The following DSC3 variants were observed in gnomAD, a reference collection of about 807,000 sequenced individuals.
The protein encoded by DSC3 is desmocollin 3.
A neutral mutation model predicts 89.5 loss-of-function variants in DSC3; 97 were observed. That is an observed-to-expected ratio of 1.08 (90% CI 0.92 to 1.28). The LOEUF (loss-of-function observed/expected upper bound fraction) is 1.28. Among genes scored for constraint, DSC3 ranks in the 50% most tolerant of loss-of-function variants. The probability of loss-of-function intolerance (pLI) is 0.00; values close to 1 mark genes in which losing one functional copy is unlikely to be tolerated. For missense variants in DSC3, 1,199 were observed against 1,085.3 expected (o/e 1.10, Z -1.47); for synonymous variants, 436 against 384.1 (o/e 1.14, Z -1.58).
chr18:31,025,401 C>T (rs1985563273), intron 5 of DSC3, among the ~76,000 whole-genome samples: 1 of 152,002 alleles, frequency 6.6e-6, no homozygotes, highest in Admixed American at 6.6e-5. Flanking sequence ...CAGGATTCTT[C>T]CAATCAACTG....
chr18:30,996,012 A>G (rs1179471461), intron 15 of DSC3, among the ~76,000 whole-genome samples: 3 of 150,582 alleles, frequency 2.0e-5, no homozygotes, highest in Non-Finnish European at 4.4e-5. Context: ...AAAGAAAGAA[A>G]AAAGCTTCTG....
intron 1 of DSC3, among the ~76,000 whole-genome samples, chr18:31,037,792 C>A (rs1986019054): frequency 6.6e-6 from 1 of 151,882 alleles, no homozygotes; most frequent in Non-Finnish European, 1.5e-5. Context: ...CCCAGCTACT[C>A]AGGAAGCTGA....
At chr18:31,035,231 T>G (rs1320230110) in intron 1 of DSC3, among the ~76,000 whole-genome samples, 1 of 152,076 alleles carries the variant, frequency 6.6e-6, no homozygotes, top group Non-Finnish European at 1.5e-5. Context: ...ATTATCACAA[T>G]TATTCTAATA....
At position 31,022,323 on chromosome 18, in the gene DSC3, G is replaced by A; in HGVS notation, c.942+13C>T. On this transcript the variant is annotated intron_variant, in intron 7 of 15. Transcript: ENST00000360428. Reference sequence around the variant, plus strand: ...CCTCAGCGAAATGAAATTCTATGGAGTGTGTGAGCTACCTCTCTGTCCAAA... The same window carrying A: ...CCTCAGCGAAATGAAATTCTATGGAATGTGTGAGCTACCTCTCTGTCCAAA... 6.2e-7 allele frequency: 1 copy of A among 1,613,964 alleles called. No individual in the cohort carries two copies. The highest frequency in any genetic ancestry group is 1.1e-5 in the South Asian group (1 of 91,084).
At chr18:31,008,213 A>T in intron 10 of DSC3, 55 bp from the exon 11 acceptor site, 1 of 1,609,770 alleles carries the variant, frequency 6.2e-7, no homozygotes, top group Admixed American at 1.7e-5. Context: ...CAAATAAGTT[A>T]CTATCTCAAT....
chr18:31,016,526 T>C (rs1177977209), intron 9 of DSC3, among the ~76,000 whole-genome samples: 1 of 152,180 alleles, frequency 6.6e-6, no homozygotes. Context: ...CTGTATGAGA[T>C]ATACGGTAGC....
chr18:31,025,969 A>AT, intron 4 of DSC3, 54 bp from the exon 5 acceptor site: 3 of 1,480,568 alleles, frequency 2.0e-6, no homozygotes, highest in Non-Finnish European at 2.8e-6. Flanking sequence ...CAGTTACAAT[A>AT]TTTTTTAAAT....
At chr18:31,026,057 G>C in intron 4 of DSC3, 142 bp from the exon 5 acceptor site, 3 of 857,948 alleles carry the variant, frequency 3.5e-6, no homozygotes, top group Non-Finnish European at 5.4e-6. Flanking sequence ...ACCATTGTTG[G>C]CAAGAGTAAG....
At chr18:31,030,363 G>A (rs1985743757) in intron 3 of DSC3, among the ~76,000 whole-genome samples, 1 of 152,202 alleles carries the variant, frequency 6.6e-6, no homozygotes, top group South Asian at 2.1e-4. Flanking sequence ...AAAGTGCTAA[G>A]CTGTAACTTA....
At chr18:31,014,036 ATT>A (rs1439841674) in intron 9 of DSC3, among the ~76,000 whole-genome samples, 1 of 152,134 alleles carries the variant, frequency 6.6e-6, no homozygotes, top group Non-Finnish European at 1.5e-5. Context: ...TATGATGGAT[ATT>A]TTACTGTAAT....
At position 31,008,579 on chromosome 18, in the gene DSC3, T is replaced by G. The variant is rs111409880; in HGVS notation, c.1264-54A>C. 75 of 1,602,332 alleles carry G rather than the reference T, an allele frequency of 4.7e-5. 1 individual carries two copies. The African/African-American group carries it at 6.0e-4, about 13-fold the overall frequency. ...GTCAGTGTAAAATACATCTGGCATT[T>G]CAAATGGCAAGTGAACATTTGTCAT... On this transcript the variant is annotated intron_variant, in intron 9 of 15. Transcript: ENST00000360428.
At position 31,029,623 on chromosome 18, in the gene DSC3, C is replaced by T. The variant is rs751115910; in HGVS notation, c.360G>A (p.Ser120=). The change falls in exon 4 of 16, where the codon TCG becomes TCA. Residue 120 remains serine (S), a synonymous_variant. Coordinates refer to ENST00000360428, the MANE Select transcript of DSC3 (RefSeq NM_001941.5). ...CAGTTTCTCTAGTGTGTCTTGTCTT[C>T]GATACCTGAATTTAGAGAAAAACAA... ...TVLLEHQKKV[S]KTRHTRETVL... is the part of the protein sequence containing the mutation. The T allele has an allele frequency of 1.9e-6, 3 of 1,613,622 alleles. No homozygotes were observed. The highest frequency in any genetic ancestry group is 4.5e-5 in the East Asian group (2 of 44,862).
At chr18:31,024,039 T>C (rs114933721) in intron 6 of DSC3, among the ~76,000 whole-genome samples, 1,711 of 152,184 alleles carry the variant, frequency 0.011, 34 homozygotes, top group African/African-American at 0.039. Context: ...TCTCTTGGAG[T>C]TGAGAATAAT....
rs1187472067 is a variant in DSC3 at position 31,007,141 on chromosome 18, C to T, written c.1664-10G>A. On this transcript the variant is annotated splice_polypyrimidine_tract_variant and intron_variant, in intron 11 of 15. Transcript: ENST00000360428. ...GTACATGATCTATCATCTAAGGAGA[C>T]AGGAATAAGGTTTAGTGTTATTTTA... 1.3e-6 allele frequency: 2 copies of T among 1,593,702 alleles called. No homozygotes were observed. The highest frequency in any genetic ancestry group is 1.7e-6 in the Non-Finnish European group (2 of 1,161,970).
intron 15 of DSC3, among the ~76,000 whole-genome samples, chr18:30,996,512 T>A (rs1984471549): frequency 6.6e-6 from 1 of 151,956 alleles, no homozygotes; most frequent in African/African-American, 2.4e-5. Flanking sequence ...ATCAAAAGGG[T>A]TCATGAGGTA....
At chr18:31,026,185 A>T (rs1345536796) in intron 4 of DSC3, among the ~76,000 whole-genome samples, 1 of 152,120 alleles carries the variant, frequency 6.6e-6, no homozygotes, top group Non-Finnish European at 1.5e-5. Flanking sequence ...TCTTTCTGGC[A>T]GAGAAAATAG....
At chr18:31,041,117 C>T (rs575504664) in intron 1 of DSC3, among the ~76,000 whole-genome samples, 6 of 152,246 alleles carry the variant, frequency 3.9e-5, no homozygotes, top group South Asian at 2.1e-4. Flanking sequence ...CATGCCTTGC[C>T]GGGAAAGCTC....
chr18:31,020,066 T>A (rs1306973532), intron 7 of DSC3, among the ~76,000 whole-genome samples: 1 of 152,184 alleles, frequency 6.6e-6, no homozygotes, highest in Admixed American at 6.5e-5. Context: ...GTAGAAATAC[T>A]GAGTTTTGCT....
At chr18:31,032,595 TGCGTGTGCGTGTGC>T (rs1567961699) in intron 1 of DSC3, among the ~76,000 whole-genome samples, 23 of 112,658 alleles carry the variant, frequency 2.0e-4, no homozygotes, top group African/African-American at 8.8e-4. Flanking sequence ...TGTGTGCGTG[TGCGTGTGCGTGTGC>T]GTGTGTGACT....
Sources: gnomAD v4.1 joint callset for allele counts (sites outside exome capture counted in the v4.1 genomes callset) on GRCh38, gnomAD v4.1.1 for gene constraint, MANE v1.5 for transcripts, NCBI Gene and HGNC (gene_info 2026-07-23, HGNC 2026-07-21) for gene names.